Variants in TENM1 observed in about 807,000 individuals in gnomAD.
The protein encoded by TENM1 is teneurin-1.
A neutral mutation model predicts 174.8 loss-of-function variants in TENM1; 35 were observed. That is an observed-to-expected ratio of 0.20 (90% CI 0.15 to 0.27). The LOEUF (loss-of-function observed/expected upper bound fraction) is 0.27, where lower values mean the gene tolerates loss of function less well. Among genes scored for constraint, TENM1 ranks in the 10% least tolerant of loss-of-function variants. The pLI, the probability that TENM1 is intolerant of heterozygous loss-of-function variation, is 1.00. For missense variants in TENM1, 1,633 were observed against 2,130.1 expected, an observed-to-expected ratio of 0.77 and a Z score of 4.59; for synonymous variants, 781 against 798.7, an observed-to-expected ratio of 0.98 and a Z score of 0.37.
intron 23 of TENM1, among the ~76,000 whole-genome samples, chrX:124,440,315 G>C (rs1456014415): frequency 2.7e-5 from 3 of 112,249 alleles, no homozygotes; most frequent in Non-Finnish European, 5.6e-5. Flanking sequence ...GCAAGTGTAT[G>C]ATGAATCAAC....
chrX:125,187,330 T>C, the TENM1 span, among the ~76,000 whole-genome samples: 1 of 112,381 alleles, frequency 8.9e-6, no homozygotes, highest in South Asian at 3.7e-4. Flanking sequence ...GGGCAACTTT[T>C]CAGTAGGTAC....
At chrX:124,519,213 G>C (rs990836823) in intron 18 of TENM1, among the ~76,000 whole-genome samples, 11 of 111,820 alleles carry the variant, frequency 9.8e-5, no homozygotes, top group African/African-American at 3.6e-4. Flanking sequence ...TTTGAGTCCT[G>C]CTTGTGAGGC....
At chrX:124,528,131 C>A (rs1217108577) in intron 16 of TENM1, among the ~76,000 whole-genome samples, 1 of 109,498 alleles carries the variant, frequency 9.1e-6, no homozygotes, top group Non-Finnish European at 1.9e-5. Context: ...TGAATGTTTA[C>A]ACCTTTATGG....
intron 11 of TENM1, among the ~76,000 whole-genome samples, chrX:124,587,230 A>G (rs752390952): frequency 0.011 from 1,192 of 110,750 alleles, 20 homozygotes; most frequent in African/African-American, 0.037. Flanking sequence ...CGCATTGCCA[A>G]GTCAATCCTA....
At chrX:124,761,883 TGATTAC>T (rs2054426628) in intron 3 of TENM1, among the ~76,000 whole-genome samples, 1 of 111,860 alleles carries the variant, frequency 8.9e-6, no homozygotes, top group African/African-American at 3.2e-5. Context: ...GTGGGTATTC[TGATTAC>T]AAGTGAAGTG....
At chrX:124,594,491 A>G (rs983366995) in intron 11 of TENM1, among the ~76,000 whole-genome samples, 3 of 111,457 alleles carry the variant, frequency 2.7e-5, no homozygotes, top group African/African-American at 9.8e-5. Flanking sequence ...AAGGTGCAAC[A>G]TGGTCAGGTT....
intron 3 of TENM1, among the ~76,000 whole-genome samples, chrX:124,780,455 G>C (rs892632798): frequency 9.0e-6 from 1 of 111,431 alleles, no homozygotes; most frequent in African/African-American, 3.3e-5. Flanking sequence ...ATTTCAGTTA[G>C]GCATCTCTCT....
exon 11 of TENM1, chrX:124,641,878 C>G (rs920841641): frequency 1.7e-6 from 2 of 1,209,682 alleles, no homozygotes; most frequent in Non-Finnish European, 2.2e-6. Context: ...GAGCACTGCT[C>G]TTGACATACA....
chrX:125,027,677 G>T, the TENM1 span, among the ~76,000 whole-genome samples: 1 of 102,526 alleles, frequency 9.8e-6, no homozygotes, highest in African/African-American at 3.6e-5. Context: ...GCAGTGGTGC[G>T]ATCTCGGCTC....
At chrX:125,184,248 T>A in the TENM1 span, among the ~76,000 whole-genome samples, 4 of 112,099 alleles carry the variant, frequency 3.6e-5, no homozygotes, top group African/African-American at 1.3e-4. Context: ...AGACTAACAT[T>A]TTCCACACAT....
chrX:124,926,022 AC>A (rs1407231296), intron 1 of TENM1, among the ~76,000 whole-genome samples: 1 of 112,407 alleles, frequency 8.9e-6, no homozygotes, highest in African/African-American at 3.2e-5. Flanking sequence ...GCAGCTTTTT[AC>A]TTTTAAATGC....
chrX:124,553,711 C>T (rs1008413841), intron 14 of TENM1, among the ~76,000 whole-genome samples: 1 of 104,452 alleles, frequency 9.6e-6, no homozygotes, highest in Admixed American at 1.1e-4. Flanking sequence ...GGTTTAATTT[C>T]TGCCTCTTGT....
the TENM1 span, among the ~76,000 whole-genome samples, chrX:124,971,382 A>G: frequency 8.9e-6 from 1 of 111,939 alleles, no homozygotes; most frequent in South Asian, 3.8e-4. Flanking sequence ...CCCTTCAGTC[A>G]TAATATGCAC....
the TENM1 span, among the ~76,000 whole-genome samples, chrX:125,185,990 C>A: frequency 9.0e-6 from 1 of 111,295 alleles, no homozygotes; most frequent in South Asian, 3.8e-4. Context: ...AATTCTCACC[C>A]ATTCCACATA....
At chrX:124,811,358 C>A (rs767992277) in intron 3 of TENM1, among the ~76,000 whole-genome samples, 1 of 111,389 alleles carries the variant, frequency 9.0e-6, no homozygotes, top group East Asian at 2.8e-4. Context: ...GGCAAAAGGT[C>A]TGAATCAGTG....
At chrX:124,876,560 T>C (rs1019590301) in intron 3 of TENM1, among the ~76,000 whole-genome samples, 5 of 112,027 alleles carry the variant, frequency 4.5e-5, no homozygotes, top group Non-Finnish European at 9.4e-5. Flanking sequence ...AAAAAATCTT[T>C]AAAAGATTTG....
At chrX:124,905,884 A>G (rs902175999) in intron 1 of TENM1, among the ~76,000 whole-genome samples, 2 of 107,879 alleles carry the variant, frequency 1.9e-5, no homozygotes, top group East Asian at 7.1e-4. Context: ...TAAAAGAAAC[A>G]ACTTCTGAAT....
chrX:124,757,539 A>C (rs1369314404), intron 3 of TENM1, among the ~76,000 whole-genome samples: 1 of 112,477 alleles, frequency 8.9e-6, no homozygotes, highest in Non-Finnish European at 1.9e-5. Flanking sequence ...CAGTGAGATG[A>C]ACCCGGTACC....
chrX:124,806,103 A>C (rs1469913009), intron 3 of TENM1, among the ~76,000 whole-genome samples: 1 of 112,173 alleles, frequency 8.9e-6, no homozygotes, highest in Non-Finnish European at 1.9e-5. Context: ...AGTAACCAGA[A>C]TAAGAAATTT....
Sources: gnomAD v4.1 joint callset for allele counts (sites outside exome capture counted in the v4.1 genomes callset) on GRCh38, gnomAD v4.1.1 for gene constraint, MANE v1.5 for transcripts, NCBI Gene and HGNC (gene_info 2026-07-23, HGNC 2026-07-21) for gene names.